FKBP7: variants seen among roughly 807,000 people sequenced by gnomAD.
The protein encoded by FKBP7 is FKBP prolyl isomerase 7.
In FKBP7, 24 loss-of-function variants were observed where a neutral mutation model predicts 24.3. The observed-to-expected ratio is 0.99, with a 90% confidence interval of 0.72 to 1.39. The LOEUF (loss-of-function observed/expected upper bound fraction) is 1.39, where lower values mean the gene tolerates loss of function less well. Ranked by LOEUF, FKBP7 falls within the 40% of genes most tolerant of loss-of-function variation. The pLI, the probability that FKBP7 is intolerant of heterozygous loss-of-function variation, is 0.00. For synonymous variants in FKBP7, 98 were observed against 92.8 expected (o/e 1.06, Z -0.32); for missense variants, 257 against 269.5 (o/e 0.95, Z 0.33).
chr2:178,475,703 T>A (rs1684980823), intron 2 of FKBP7, among the ~76,000 whole-genome samples: 1 of 152,230 alleles, frequency 6.6e-6, no homozygotes, highest in African/African-American at 2.4e-5. Context: ...AGTATTCTCA[T>A]AGACTTAAAG....
At chr2:178,470,032 C>T (rs1361029732) in intron 2 of FKBP7, among the ~76,000 whole-genome samples, 2 of 151,154 alleles carry the variant, frequency 1.3e-5, no homozygotes, top group Admixed American at 6.6e-5. Flanking sequence ...TGTTTCCAAA[C>T]CAAGTCAATT....
At position 178,477,190 on chromosome 2, in the gene FKBP7, G is replaced by A. The variant is rs138475966; in HGVS notation, c.245C>T (p.Pro82Leu). The change falls in exon 2 of 4, where the codon CCC becomes CTC. Residue 82 changes from proline to leucine, a missense_variant. Pro to Leu is a moderately conservative substitution (Grantham distance 98). Coordinates refer to ENST00000424785, the MANE Select transcript of FKBP7 (RefSeq NM_181342.3). ...CCCAACACCAAGAACAAACCATTTGGGGTGGCCTTCATTTTGTGTCCGGCT... is the reference window on the plus strand; with the variant it reads ...CCCAACACCAAGAACAAACCATTTGAGGTGGCCTTCATTTTGTGTCCGGCT... ...YCSRTQNEGH[P>L]KWFVLGVGQV... 6 of 1,610,434 alleles carry A rather than the reference G, an allele frequency of 3.7e-6. No homozygotes were observed. Among genetic ancestry groups the A allele is most frequent in the Admixed American group, 1.7e-5 (1 of 59,020 alleles).
chr2:178,466,262 G>T lies in FKBP7; in HGVS notation c.508-331C>A, dbSNP rs537011005. Reference sequence around the variant, plus strand: ...TATCAAAGGAAAATCACGCATGACTGCCATTAGTGAAAGAAACCCAATTGG... The same window carrying T: ...TATCAAAGGAAAATCACGCATGACTTCCATTAGTGAAAGAAACCCAATTGG... On this transcript the variant is annotated intron_variant, in intron 3 of 3. Transcript: ENST00000424785. Among the ~76,000 whole-genome samples the T allele has an allele frequency of 2.4e-4, 36 of 152,212 alleles. No individual in the cohort carries two copies. The South Asian group carries it at 5.4e-3, about 23-fold the overall frequency.
Position 178,464,503 on chromosome 2 carries a change from AG to A in FKBP7, c.*1266del, listed in dbSNP as rs772644425. 5.3e-5 allele frequency: 8 copies of A among 152,242 alleles called. No individual in the cohort carries two copies. Among genetic ancestry groups the A allele is most frequent in the African/African-American group, 9.6e-5 (4 of 41,464 alleles). 9.4% of individuals were successfully genotyped at this position (152,242 alleles called of 1,614,324 possible). A position where few individuals can be genotyped will look rare whatever the true frequency, so the allele number is the denominator to read the frequency against. On this transcript the variant is annotated 3_prime_UTR_variant, in exon 4 of 4. Transcript: ENST00000424785. ...TGGCGGGTGGGAGAATGAATGCAAG[AG>A]GAACTACCAAACACTTATAAAACCA...
Position 178,465,548 on chromosome 2 carries a change from C to G in FKBP7, c.*222G>C. 1 of 347,500 alleles carries G rather than the reference C, an allele frequency of 2.9e-6. No homozygotes were observed. The highest frequency in any genetic ancestry group is 5.1e-6 in the Non-Finnish European group (1 of 196,956). 21.5% of individuals were successfully genotyped at this position (347,500 alleles called of 1,614,324 possible). On this transcript the variant is annotated 3_prime_UTR_variant, in exon 4 of 4. Coordinates refer to ENST00000424785, the MANE Select transcript of FKBP7 (RefSeq NM_181342.3). ...AGGTCTGTTTCATGGTGCTACAATT[C>G]TTGTTTACAGAATAAAGCAGTAGGA... is the stretch of plus-strand genomic sequence containing the variant.
In FKBP7 at chr2:178,465,761, A is replaced by G; in HGVS notation, c.*9T>C. On this transcript the variant is annotated 3_prime_UTR_variant, in exon 4 of 4. Transcript: ENST00000424785. Reference sequence around the variant, plus strand: ...ATAGCTAAAAAAAAAAAGTAGAAATACAAATATGCTATAGTTCATCGTGTT... The same window carrying G: ...ATAGCTAAAAAAAAAAAGTAGAAATGCAAATATGCTATAGTTCATCGTGTT... 6.5e-7 allele frequency: 1 copy of G among 1,547,664 alleles called. No homozygotes were observed. Among genetic ancestry groups the G allele is most frequent in the Non-Finnish European group, 8.7e-7 (1 of 1,151,362 alleles).
At chr2:178,470,226 T>C (rs1040519769) in intron 2 of FKBP7, among the ~76,000 whole-genome samples, 1 of 152,248 alleles carries the variant, frequency 6.6e-6, no homozygotes, top group African/African-American at 2.4e-5. Flanking sequence ...GTACAGACTT[T>C]TGTCTTGTCA....
rs1439521097 is a variant in FKBP7 at position 178,465,730 on chromosome 2, C to A, written c.*40G>T. ...GTGACTTTGTTTTATACATAAAGTA[C>A]AGTAAATAGCTAAAAAAAAAAAGTA... On this transcript the variant is annotated 3_prime_UTR_variant, in exon 4 of 4. Coordinates refer to ENST00000424785, the MANE Select transcript of FKBP7 (RefSeq NM_181342.3). 1.3e-6 allele frequency: 2 copies of A among 1,493,680 alleles called. No homozygotes were observed. The highest frequency in any genetic ancestry group is 1.4e-5 in the South Asian group (1 of 73,238). The allele number at this position is 1,493,680 out of a possible 1,614,324, so 92.5% of individuals were successfully genotyped here.
At chr2:178,472,833 C>A (rs1684886576) in intron 2 of FKBP7, among the ~76,000 whole-genome samples, 1 of 103,086 alleles carries the variant, frequency 9.7e-6, no homozygotes, top group African/African-American at 3.9e-5. Context: ...ATCTGGGTGA[C>A]AGAGCAAGAC....
intron 2 of FKBP7, chr2:178,473,019 A>G (rs1168661528): frequency 8.3e-7 from 1 of 1,197,968 alleles, no homozygotes; most frequent in Non-Finnish European, 1.1e-6. Flanking sequence ...GGTAAAGAAT[A>G]TATACATACC....
In FKBP7 at chr2:178,472,461, G is replaced by A. The variant is rs533266551; in HGVS notation, c.374-2676C>T. ...GCTATAAACATAGAAAATATTGGCCGGGCGCAGTGGCTTATACCACTTTTT... is the reference window on the plus strand; with the variant it reads ...GCTATAAACATAGAAAATATTGGCCAGGCGCAGTGGCTTATACCACTTTTT... On this transcript the variant is annotated intron_variant, in intron 2 of 3. Coordinates refer to ENST00000424785, the MANE Select transcript of FKBP7 (RefSeq NM_181342.3). Among the ~76,000 whole-genome samples the A allele has an allele frequency of 1.5e-3, 221 of 151,926 alleles. 5 individuals are homozygous for A. The South Asian group carries it at 0.022, about 15-fold the overall frequency.
At chr2:178,467,862 G>T (rs1447389493) in intron 3 of FKBP7, 1 of 152,128 alleles carries the variant, frequency 6.6e-6, no homozygotes, top group East Asian at 1.9e-4. Flanking sequence ...GAGCTCTTGG[G>T]TACTATGCGA....
At position 178,464,891 on chromosome 2, in the gene FKBP7, A is replaced by G. The variant is rs1170753810; in HGVS notation, c.*879T>C. The G allele has an allele frequency of 2.6e-5, 4 of 152,236 alleles. No individual in the cohort carries two copies. Among genetic ancestry groups the G allele is most frequent in the African/African-American group, 4.8e-5 (2 of 41,462 alleles). The allele number at this position is 152,236 out of a possible 1,614,324, so 9.4% of individuals were successfully genotyped here. A position where few individuals can be genotyped will look rare whatever the true frequency, so the allele number is the denominator to read the frequency against. ...TACCAATTTGTAATGATCATTCATC[A>G]TTAGTGACAAGAATGATGGGAAATG... is the stretch of plus-strand genomic sequence containing the variant. On this transcript the variant is annotated 3_prime_UTR_variant, in exon 4 of 4. Coordinates refer to ENST00000424785, the MANE Select transcript of FKBP7 (RefSeq NM_181342.3).
chr2:178,465,832 G>C lies in FKBP7; in HGVS notation c.607C>G (p.His203Asp), dbSNP rs762342174. ...GGAGAAATGAAGCCATCACCATCAT[G>C]GTCATTCTTCTTAAAAATATCTTCT... ...VLEDIFKKND[H>D]DGDGFISPKE... Residue 203 changes from histidine to aspartate, a missense_variant, in exon 4 of 4, where the codon CAT (histidine) becomes GAT (aspartate). His to Asp is a moderately conservative substitution (Grantham distance 81). Transcript: ENST00000424785. 2 of 1,611,802 alleles carry C rather than the reference G, an allele frequency of 1.2e-6. No individual in the cohort carries two copies. Among genetic ancestry groups the C allele is most frequent in the African/African-American group, 2.7e-5 (2 of 74,748 alleles).
chr2:178,468,871 T>C (rs1335327173), intron 3 of FKBP7, among the ~76,000 whole-genome samples: 1 of 146,778 alleles, frequency 6.8e-6, no homozygotes, highest in Non-Finnish European at 1.5e-5. Context: ...ATTATTATCT[T>C]TTTTTTTTTT....
Position 178,465,605 on chromosome 2 carries a change from T to G in FKBP7, c.*165A>C, listed in dbSNP as rs1220503194. 1.8e-6 allele frequency: 1 copy of G among 553,680 alleles called. No individual in the cohort carries two copies. Among genetic ancestry groups the G allele is most frequent in the Non-Finnish European group, 2.9e-6 (1 of 348,494 alleles). 34.3% of individuals were successfully genotyped at this position (553,680 alleles called of 1,614,324 possible). A position where few individuals can be genotyped will look rare whatever the true frequency, so the allele number is the denominator to read the frequency against. On this transcript the variant is annotated 3_prime_UTR_variant, in exon 4 of 4. Coordinates refer to ENST00000424785, the MANE Select transcript of FKBP7 (RefSeq NM_181342.3). The stretch of plus-strand genomic sequence containing the variant: ...GTCATACCATTCCTGCAAGTTAAGT[T>G]TGCAAAACAGCCTCACATTTATTAT...
intron 2 of FKBP7, among the ~76,000 whole-genome samples, chr2:178,470,342 A>C (rs1684815927): frequency 6.6e-6 from 1 of 152,250 alleles, no homozygotes; most frequent in Non-Finnish European, 1.5e-5. Context: ...GAAGATGTCC[A>C]GAGGTTATGT....
chr2:178,474,860 T>A (rs976069259), intron 2 of FKBP7, among the ~76,000 whole-genome samples: 18 of 152,234 alleles, frequency 1.2e-4, no homozygotes, highest in African/African-American at 3.6e-4. Context: ...GCTAACTTTT[T>A]AATTTTCTGT....
rs769544870 is a variant in FKBP7 at position 178,478,317 on chromosome 2, G to A, written c.183C>T (p.Asp61=). The A allele has an allele frequency of 2.5e-6, 4 of 1,614,108 alleles. No individual in the cohort carries two copies. In the South Asian group the frequency reaches 3.3e-5, roughly 13 times the overall value. ...TCGAGCCGTCTTTAGCCAGGTAGCC[G>A]TCATAATGGGCATTTAGTAGGTCTC... ...KKGDLLNAHY[D]GYLAKDGSKF... Residue 61 remains aspartate (D), a synonymous_variant, in exon 1 of 4, where the codon GAC becomes GAT. Transcript: ENST00000424785.
Sources: gnomAD v4.1 joint callset for allele counts (sites outside exome capture counted in the v4.1 genomes callset) on GRCh38, gnomAD v4.1.1 for gene constraint, MANE v1.5 for transcripts, NCBI Gene and HGNC (gene_info 2026-07-23, HGNC 2026-07-21) for gene names.